LYSMD3: variants seen among roughly 807,000 people sequenced by gnomAD.
LYSMD3 encodes the protein lysM and putative peptidoglycan-binding domain-containing protein 3.
In LYSMD3, 13 loss-of-function variants were observed where a neutral mutation model predicts 26.1. That is an observed-to-expected ratio of 0.50 (90% CI 0.32 to 0.79). The LOEUF (loss-of-function observed/expected upper bound fraction) is 0.79. Among genes scored for constraint, LYSMD3 ranks in the 30% least tolerant of loss-of-function variants. The pLI is 0.03. For synonymous variants in LYSMD3, 109 were observed against 119.4 expected (o/e 0.91, Z 0.57); for missense variants, 331 against 362.5 (o/e 0.91, Z 0.71).
At chr5:90,526,055 G>A (rs1442686470) in intron 1 of LYSMD3, among the ~76,000 whole-genome samples, 4 of 152,314 alleles carry the variant, frequency 2.6e-5, no homozygotes, top group African/African-American at 9.6e-5. Flanking sequence ...TTATAGCTCT[G>A]ATGGAATCAA....
rs772786335 is a variant in LYSMD3, at chr5:90,518,784, CAT to C, written c.*33_*34del. 1.3e-5 allele frequency: 9 copies of C among 700,834 alleles called. No homozygotes were observed. In the South Asian group the frequency reaches 1.9e-4, roughly 15 times the overall value. The allele number at this position is 700,834 out of a possible 1,614,324, so 43.4% of individuals were successfully genotyped here. ...ACTGATTCACCACATTCCAGATGCA[CAT>C]GTGACCACTAACATTTGATTATGAG... On this transcript the variant is annotated 3_prime_UTR_variant, in exon 3 of 3. Transcript: ENST00000315948.
chr5:90,529,387 G>A, intron 1 of LYSMD3, 61 bp downstream of exon 1: 1 of 456,398 alleles, frequency 2.2e-6, no homozygotes, highest in South Asian at 1.5e-5. Flanking sequence ...TGAGGACGCA[G>A]CTGGGGCTCA....
At position 90,518,161 on chromosome 5, in the gene LYSMD3, A is replaced by G. The variant is rs1752994239; in HGVS notation, c.*658T>C. On this transcript the variant is annotated 3_prime_UTR_variant, in exon 3 of 3. Transcript: ENST00000315948. ...TAAAGAAAGCATTCTTAAGACAAAA[A>G]TTACTGTCAGGTCTTCACCTATTCC... The G allele has an allele frequency of 6.6e-6, 1 of 152,142 alleles. No homozygotes were observed. The highest frequency in any genetic ancestry group is 1.5e-5 in the Non-Finnish European group (1 of 67,968). 9.4% of individuals were successfully genotyped at this position (152,142 alleles called of 1,614,324 possible). A position where few individuals can be genotyped will look rare whatever the true frequency, so the allele number is the denominator to read the frequency against.
At chr5:90,520,532 G>A (rs1462144741) in intron 2 of LYSMD3, 1 of 456,022 alleles carries the variant, frequency 2.2e-6, no homozygotes, top group Non-Finnish European at 4.4e-6. Flanking sequence ...AGATACAGAA[G>A]TGGAAGATGT....
chr5:90,529,094 C>A (rs952557272), intron 1 of LYSMD3, among the ~76,000 whole-genome samples: 1 of 152,236 alleles, frequency 6.6e-6, no homozygotes, highest in Non-Finnish European at 1.5e-5. Context: ...AGTCTTCTGT[C>A]ACAGCATGAC....
At chr5:90,520,392 T>A in intron 2 of LYSMD3, 2 of 456,208 alleles carry the variant, frequency 4.4e-6, no homozygotes, top group South Asian at 3.1e-5. Context: ...ATAAAGTGGG[T>A]CTAGTATGAA....
Position 90,518,944 on chromosome 5 carries a change from G to A in LYSMD3, c.796C>T (p.Pro266Ser), listed in dbSNP as rs1479506083. 4.3e-6 allele frequency: 7 copies of A among 1,614,006 alleles called. No homozygotes were observed. Among genetic ancestry groups the A allele is most frequent in the Non-Finnish European group, 5.9e-6 (7 of 1,179,948 alleles). The change falls in exon 3 of 3, where the codon CCA becomes TCA. Residue 266 changes from proline to serine, a missense_variant. Coordinates refer to ENST00000315948, the MANE Select transcript of LYSMD3 (RefSeq NM_198273.2). ...TTTTCCATTTCTCTCTGCTGTGATG[G>A]GGGTGTGATTTTTGAATGTAAATGT... is the stretch of plus-strand genomic sequence containing the variant. ...SSHLHSKITP[P>S]SQQREMENGI...
chr5:90,527,012 T>C (rs1302931747), intron 1 of LYSMD3: 6 of 152,148 alleles, frequency 3.9e-5, no homozygotes, highest in South Asian at 2.1e-4. Context: ...CCTGAAAATA[T>C]GGATAAGGAG....
chr5:90,527,779 C>G (rs941849889), intron 1 of LYSMD3, among the ~76,000 whole-genome samples: 3 of 152,192 alleles, frequency 2.0e-5, no homozygotes, highest in African/African-American at 7.2e-5. Context: ...ACTACCCAAC[C>G]TGTACTTTCT....
chr5:90,529,523 C>G lies in LYSMD3; in HGVS notation c.-87G>C, dbSNP rs1404530160. On this transcript the variant is annotated 5_prime_UTR_variant, in exon 1 of 3. The change abolishes an upstream ATG in the 5' untranslated region. Transcript: ENST00000315948. ...CCGCCGCCGCTGTCCCGGGTAAGTT[C>G]ATGGCCGAGCCTCTGCTTTGGGCTG... The G allele has an allele frequency of 4.4e-6, 2 of 456,708 alleles. No homozygotes were observed. The highest frequency in any genetic ancestry group is 4.7e-5 in the Admixed American group (2 of 42,596). The allele number at this position is 456,708 out of a possible 1,614,324, so 28.3% of individuals were successfully genotyped here.
chr5:90,522,794 G>A (rs749419244), intron 2 of LYSMD3, among the ~76,000 whole-genome samples: 67 of 152,064 alleles, frequency 4.4e-4, no homozygotes, highest in Non-Finnish European at 8.2e-4. Flanking sequence ...CACTCACTTC[G>A]GAAATAACTA....
At chr5:90,523,014 C>A (rs563589252) in intron 2 of LYSMD3, among the ~76,000 whole-genome samples, 1 of 152,140 alleles carries the variant, frequency 6.6e-6, no homozygotes, top group Non-Finnish European at 1.5e-5. Context: ...ACTCTCCTCT[C>A]GGATCTGTAC....
intron 2 of LYSMD3, among the ~76,000 whole-genome samples, chr5:90,522,184 T>C (rs1753108857): frequency 6.6e-6 from 1 of 152,172 alleles, no homozygotes; most frequent in Non-Finnish European, 1.5e-5. Flanking sequence ...GTGTGGAACC[T>C]CCTCCCTCAC....
intron 2 of LYSMD3, among the ~76,000 whole-genome samples, chr5:90,522,025 T>C (rs1374104542): frequency 3.9e-5 from 6 of 152,158 alleles, no homozygotes; most frequent in South Asian, 2.1e-4. Flanking sequence ...TTTCCCACTA[T>C]AGTGGCTGAT....
chr5:90,528,007 CTAACT>C (rs1753268320), intron 1 of LYSMD3, among the ~76,000 whole-genome samples: 1 of 152,168 alleles, frequency 6.6e-6, no homozygotes, highest in Non-Finnish European at 1.5e-5. Context: ...ACTAGGATTC[CTAACT>C]TGACAGCTAT....
rs1752954565 is a variant in LYSMD3 at position 90,516,533 on chromosome 5, ATT to A, written c.*2284_*2285del. 1.3e-5 allele frequency: 2 copies of A among 152,144 alleles called. No homozygotes were observed. Among genetic ancestry groups the A allele is most frequent in the Admixed American group, 1.3e-4 (2 of 15,276 alleles). 9.4% of individuals were successfully genotyped at this position (152,144 alleles called of 1,614,324 possible). A position where few individuals can be genotyped will look rare whatever the true frequency, so the allele number is the denominator to read the frequency against. On this transcript the variant is annotated 3_prime_UTR_variant, in exon 3 of 3. Coordinates refer to ENST00000315948, the MANE Select transcript of LYSMD3 (RefSeq NM_198273.2). ...TTGTTAGTTATACAAGGTAATTTGC[ATT>A]TGATATAAACTTAACTTACATTAGT...
rs993845681 is a variant in LYSMD3, at chr5:90,529,539, C to T, written c.-103G>A. ...GGGTAAGTTCATGGCCGAGCCTCTG[C>T]TTTGGGCTGACCCCGTCCGCCTCCG... On this transcript the variant is annotated 5_prime_UTR_variant, in exon 1 of 3. Coordinates refer to ENST00000315948, the MANE Select transcript of LYSMD3 (RefSeq NM_198273.2). 2.2e-5 allele frequency: 10 copies of T among 456,622 alleles called. No individual in the cohort carries two copies. Among genetic ancestry groups the T allele is most frequent in the Non-Finnish European group, 4.0e-5 (9 of 226,984 alleles). 28.3% of individuals were successfully genotyped at this position (456,622 alleles called of 1,614,324 possible). A position where few individuals can be genotyped will look rare whatever the true frequency, so the allele number is the denominator to read the frequency against.
chr5:90,526,753 G>A (rs1034375988), intron 1 of LYSMD3, among the ~76,000 whole-genome samples: 1 of 152,262 alleles, frequency 6.6e-6, no homozygotes, highest in East Asian at 1.9e-4. Context: ...AGCTGGGGGA[G>A]GAGGTGCATG....
intron 1 of LYSMD3, among the ~76,000 whole-genome samples, chr5:90,528,098 A>G (rs1753269590): frequency 6.6e-6 from 1 of 152,320 alleles, no homozygotes; most frequent in East Asian, 1.9e-4. Flanking sequence ...TCCTCCAAGG[A>G]TAACAGTTTT....
Sources: allele counts gnomAD v4.1 joint callset (sites outside exome capture counted in the v4.1 genomes callset), GRCh38; gene constraint gnomAD v4.1.1; transcripts MANE v1.5; gene names NCBI Gene and HGNC (gene_info 2026-07-23, HGNC 2026-07-21).